Variants in GABRA1 observed in about 807,000 individuals in gnomAD.
GABRA1 encodes the protein gamma-aminobutyric acid type A receptor subunit alpha1.
GABRA1 carries 9 observed loss-of-function variants against 48.9 expected under a neutral mutation model. The ratio of observed to expected loss-of-function variants is 0.18; its 90% CI spans 0.11 to 0.32. The LOEUF (loss-of-function observed/expected upper bound fraction) is 0.32. Ranked by LOEUF, GABRA1 falls within the 10% of genes least tolerant of loss-of-function variation. The probability of loss-of-function intolerance (pLI) is 1.00; values close to 1 mark genes in which losing one functional copy is unlikely to be tolerated. For synonymous variants in GABRA1, 210 were observed against 198.7 expected (o/e 1.06, Z -0.48); for missense variants, 285 against 553.8 (o/e 0.51, Z 4.87).
intron 8 of GABRA1, among the ~76,000 whole-genome samples, chr5:161,893,042 T>TAAAAAA (rs1230368788): frequency 7.7e-6 from 1 of 130,392 alleles, no homozygotes; most frequent in Non-Finnish European, 1.6e-5. Context: ...ATAATAATAA[T>TAAAAAA]AATAATAAAA....
intron 7 of GABRA1, among the ~76,000 whole-genome samples, chr5:161,887,687 C>T (rs561500434): frequency 1.3e-5 from 2 of 152,240 alleles, no homozygotes; most frequent in Admixed American, 6.5e-5. Flanking sequence ...AGGAAAATGA[C>T]AGCTTCACAA....
chr5:161,851,825 T>C (rs533445557), intron 2 of GABRA1, among the ~76,000 whole-genome samples: 4 of 152,190 alleles, frequency 2.6e-5, no homozygotes, highest in Non-Finnish European at 5.9e-5. Flanking sequence ...CAGATATCCT[T>C]AATGAGAGAA....
intron 5 of GABRA1, among the ~76,000 whole-genome samples, chr5:161,874,051 T>C (rs1268764823): frequency 6.6e-6 from 1 of 152,150 alleles, no homozygotes; most frequent in African/African-American, 2.4e-5. Flanking sequence ...TGGAACTCAT[T>C]CTTGAGAGCA....
intron 7 of GABRA1, among the ~76,000 whole-genome samples, chr5:161,886,848 G>A (rs1299807805): frequency 3.9e-5 from 6 of 152,128 alleles, no homozygotes; most frequent in Admixed American, 3.9e-4. Context: ...CATAAAGGAG[G>A]AAGGGGGTCA....
chr5:161,885,096 C>A (rs1375036435), intron 7 of GABRA1, among the ~76,000 whole-genome samples: 2 of 152,160 alleles, frequency 1.3e-5, no homozygotes, highest in Non-Finnish European at 2.9e-5. Flanking sequence ...AAAATAAAAG[C>A]TTTTTCCTGT....
chr5:161,861,904 A>G (rs530643757), intron 3 of GABRA1, among the ~76,000 whole-genome samples: 4 of 152,008 alleles, frequency 2.6e-5, no homozygotes, highest in Non-Finnish European at 4.4e-5. Flanking sequence ...CTGTGAATCA[A>G]TAGACACAAA....
chr5:161,875,212 T>C (rs950409169), intron 5 of GABRA1, among the ~76,000 whole-genome samples: 1 of 152,166 alleles, frequency 6.6e-6, no homozygotes, highest in Admixed American at 6.6e-5. Context: ...AAGGATAAAG[T>C]AGTATTTACG....
intron 6 of GABRA1, among the ~76,000 whole-genome samples, chr5:161,875,991 T>A (rs566826971): frequency 1.3e-5 from 2 of 152,320 alleles, no homozygotes; most frequent in South Asian, 4.1e-4. Flanking sequence ...CTATTTTATA[T>A]CTTTACTGAC....
intron 5 of GABRA1, 38 bp downstream of exon 5, chr5:161,873,375 T>A (rs747468638): frequency 3.4e-6 from 5 of 1,487,634 alleles, no homozygotes; most frequent in Non-Finnish European, 4.7e-6. Context: ...AATGTTTCTG[T>A]ACTTCATTCC....
chr5:161,871,290 C>T lies in GABRA1; in HGVS notation c.256-1827C>T, dbSNP rs1754111546. ...GGCTCGATTCATGGGAACGTGGTCACCTTCAGCATCCTTGGAACTTTGATT... is the reference window on the plus strand; with the variant it reads ...GGCTCGATTCATGGGAACGTGGTCATCTTCAGCATCCTTGGAACTTTGATT... On this transcript the variant is annotated intron_variant, in intron 4 of 9. Coordinates refer to ENST00000393943, the MANE Select transcript of GABRA1 (RefSeq NM_001127644.2). 2.6e-5 allele frequency among the ~76,000 whole-genome samples: 4 copies of T among 152,110 alleles called. No homozygotes were observed. In the South Asian group the frequency reaches 8.3e-4, roughly 32 times the overall value.
rs10475701 is a variant in GABRA1, at chr5:161,859,630, T to A, written c.187+5360T>A. 2.0e-5 allele frequency among the ~76,000 whole-genome samples: 3 copies of A among 151,822 alleles called. No homozygotes were observed. In the Admixed American group the frequency reaches 2.0e-4, roughly 10 times the overall value. On this transcript the variant is annotated intron_variant, in intron 3 of 9. Transcript: ENST00000393943. The stretch of plus-strand genomic sequence containing the variant: ...AGCTGTCCCGGGATGATAAAATGCC[T>A]GATATTCATGTGATCTTTTGATTTT...
intron 3 of GABRA1, among the ~76,000 whole-genome samples, chr5:161,859,916 G>A (rs1309640636): frequency 6.6e-6 from 1 of 151,534 alleles, no homozygotes; most frequent in African/African-American, 2.4e-5. Context: ...ATAGCCTTTA[G>A]TATTATGTTT....
intron 3 of GABRA1, among the ~76,000 whole-genome samples, chr5:161,859,502 T>G (rs1026429111): frequency 6.6e-6 from 1 of 151,674 alleles, no homozygotes; most frequent in African/African-American, 2.4e-5. Flanking sequence ...AAACTAAGAG[T>G]GCTCTAAAAA....
intron 1 of GABRA1, chr5:161,850,570 C>A (rs2057238496): frequency 6.8e-6 from 4 of 590,400 alleles, no homozygotes. Context: ...AGCTTGTATT[C>A]TTTTACAGGA....
intron 4 of GABRA1, among the ~76,000 whole-genome samples, chr5:161,869,430 G>A (rs1313594893): frequency 6.6e-6 from 1 of 152,092 alleles, no homozygotes; most frequent in Non-Finnish European, 1.5e-5. Flanking sequence ...AGACTCCATA[G>A]CTCCCAAGGC....
chr5:161,848,907 G>C (rs1757327923), intron 1 of GABRA1: 1 of 452,634 alleles, frequency 2.2e-6, no homozygotes, highest in African/African-American at 2.0e-5. Flanking sequence ...GCACGCTCTT[G>C]TCCTGGCTGC....
intron 7 of GABRA1, among the ~76,000 whole-genome samples, chr5:161,886,032 C>CA (rs1216193180): frequency 6.6e-6 from 1 of 152,028 alleles, no homozygotes; most frequent in African/African-American, 2.4e-5. Flanking sequence ...CTAATACTCA[C>CA]AAAAATCCTA....
chr5:161,891,561 T>C (rs1241248932), intron 8 of GABRA1, among the ~76,000 whole-genome samples: 1 of 152,124 alleles, frequency 6.6e-6, no homozygotes, highest in Non-Finnish European at 1.5e-5. Flanking sequence ...TGCATTCATT[T>C]TTTCTATTAC....
At chr5:161,868,142 G>T (rs1048387865) in intron 4 of GABRA1, among the ~76,000 whole-genome samples, 5 of 151,976 alleles carry the variant, frequency 3.3e-5, no homozygotes, top group African/African-American at 9.7e-5. Context: ...AGGGTAGAAG[G>T]CATGGGGAAT....
Sources: gnomAD v4.1 joint callset for allele counts (sites outside exome capture counted in the v4.1 genomes callset) on GRCh38, gnomAD v4.1.1 for gene constraint, MANE v1.5 for transcripts, NCBI Gene and HGNC (gene_info 2026-07-23, HGNC 2026-07-21) for gene names.